The following STX8 variants were observed in gnomAD, a reference collection of about 807,000 sequenced individuals.
The protein encoded by STX8 is syntaxin 8.
STX8 carries 23 observed loss-of-function variants against 37.5 expected under a neutral mutation model. The observed-to-expected ratio is 0.61, with a 90% CI of 0.44 to 0.87. STX8 has a LOEUF of 0.87. Among genes scored for constraint, STX8 ranks in the 40% least tolerant of loss-of-function variants. The pLI is 0.00. For synonymous variants in STX8, 115 were observed against 99.1 expected, an observed-to-expected ratio of 1.16 and a Z score of -0.95; for missense variants, 313 against 284.7, an observed-to-expected ratio of 1.10 and a Z score of -0.71.
At chr17:9,527,473 G>C (rs1905625290) in intron 4 of STX8, among the ~76,000 whole-genome samples, 1 of 152,080 alleles carries the variant, frequency 6.6e-6, no homozygotes, top group African/African-American at 2.4e-5. Context: ...TTAACATAAT[G>C]AACTAAAATA....
chr17:9,518,147 A>C (rs142280233), intron 4 of STX8, among the ~76,000 whole-genome samples: 88 of 152,212 alleles, frequency 5.8e-4, no homozygotes, highest in Admixed American at 1.8e-3. Context: ...ATTTGCAGCC[A>C]AACTTCCATG....
In STX8 at chr17:9,271,763, A is replaced by G. The variant is rs568953501; in HGVS notation, c.644-21118T>C. Among the ~76,000 whole-genome samples, 7 of 151,952 alleles carry G rather than the reference A, an allele frequency of 4.6e-5. No individual in the cohort carries two copies. The East Asian group carries it at 1.4e-3, about 29-fold the overall frequency. ...GACTCCATCTCAAAAAAAAAAAAAA[A>G]AAAAAGAAAGAAAGAAATTCAACTT... is the stretch of plus-strand genomic sequence containing the variant. On this transcript the variant is annotated intron_variant, in intron 7 of 7. Coordinates refer to ENST00000306357, the MANE Select transcript of STX8 (RefSeq NM_004853.3).
intron 6 of STX8, among the ~76,000 whole-genome samples, chr17:9,435,414 A>T (rs1567559853): frequency 6.6e-6 from 1 of 152,180 alleles, no homozygotes; most frequent in South Asian, 2.1e-4. Flanking sequence ...CCAAAGACAG[A>T]ACCCTGAAGA....
intron 7 of STX8, among the ~76,000 whole-genome samples, chr17:9,259,926 T>C (rs571020209): frequency 6.6e-6 from 1 of 152,108 alleles, no homozygotes; most frequent in Admixed American, 6.5e-5. Context: ...ATGAAAATAA[T>C]AGTCATAGTG....
intron 6 of STX8, among the ~76,000 whole-genome samples, chr17:9,423,073 C>T (rs1567553708): frequency 2.0e-5 from 3 of 152,164 alleles, no homozygotes. Flanking sequence ...ATTCCTTTCC[C>T]CTTAAAAAAT....
chr17:9,352,067 T>A (rs1021201366), intron 7 of STX8, among the ~76,000 whole-genome samples: 4 of 151,200 alleles, frequency 2.6e-5, no homozygotes, highest in Non-Finnish European at 2.9e-5. Context: ...AGGAGGATTG[T>A]TTGAGCCTGG....
At chr17:9,504,630 C>T (rs1041129463) in intron 5 of STX8, among the ~76,000 whole-genome samples, 1 of 151,842 alleles carries the variant, frequency 6.6e-6, no homozygotes, top group Admixed American at 6.6e-5. Flanking sequence ...AAAAGACCAG[C>T]AGTTTTCACT....
At chr17:9,418,878 T>A (rs1382828801) in intron 6 of STX8, among the ~76,000 whole-genome samples, 4 of 145,018 alleles carry the variant, frequency 2.8e-5, no homozygotes, top group African/African-American at 7.6e-5. Context: ...CATTTGAGAA[T>A]GAATGCTTTC....
intron 4 of STX8, among the ~76,000 whole-genome samples, chr17:9,506,820 A>C (rs955444078): frequency 7.9e-5 from 12 of 152,040 alleles, no homozygotes; most frequent in African/African-American, 2.7e-4. Flanking sequence ...CCATGAGCCA[A>C]GTTACTACAG....
chr17:9,326,604 C>A (rs1224019857), intron 7 of STX8, among the ~76,000 whole-genome samples: 2 of 152,194 alleles, frequency 1.3e-5, no homozygotes, highest in Non-Finnish European at 2.9e-5. Flanking sequence ...CCTGATCATC[C>A]TTTGGCTGAG....
chr17:9,411,664 G>A (rs1912983106), intron 6 of STX8, among the ~76,000 whole-genome samples: 1 of 152,138 alleles, frequency 6.6e-6, no homozygotes, highest in East Asian at 1.9e-4. Flanking sequence ...TTCCTCACTA[G>A]GTTCCATTTC....
chr17:9,285,855 CAA>C (rs1477205268), intron 7 of STX8, among the ~76,000 whole-genome samples: 2 of 152,248 alleles, frequency 1.3e-5, no homozygotes, highest in East Asian at 3.9e-4. Flanking sequence ...CTTAGAAAAA[CAA>C]ATACTTTAAA....
At chr17:9,557,751 G>A (rs1231935283) in intron 2 of STX8, among the ~76,000 whole-genome samples, 1 of 152,194 alleles carries the variant, frequency 6.6e-6, no homozygotes, top group African/African-American at 2.4e-5. Context: ...ACCTGGCCAA[G>A]TGGTGAGCCA....
At chr17:9,412,716 G>A (rs541248080) in intron 6 of STX8, among the ~76,000 whole-genome samples, 6 of 152,214 alleles carry the variant, frequency 3.9e-5, no homozygotes, top group Admixed American at 2.0e-4. Flanking sequence ...ATGTGCCCTC[G>A]ACATTATCTC....
intron 6 of STX8, among the ~76,000 whole-genome samples, chr17:9,402,404 A>G (rs2142321091): frequency 6.6e-6 from 1 of 152,302 alleles, no homozygotes; most frequent in Middle Eastern, 3.4e-3. Context: ...TACAGGCGTG[A>G]GTCACCGCAC....
intron 5 of STX8, among the ~76,000 whole-genome samples, chr17:9,500,420 A>C (rs559463943): frequency 6.6e-6 from 1 of 152,174 alleles, no homozygotes; most frequent in African/African-American, 2.4e-5. Context: ...TTCCCAAGCC[A>C]TGGTGTGGGG....
chr17:9,499,440 C>G (rs944266685), intron 5 of STX8, among the ~76,000 whole-genome samples: 2 of 152,194 alleles, frequency 1.3e-5, no homozygotes, highest in Non-Finnish European at 2.9e-5. Flanking sequence ...TGCCCTGTCG[C>G]CAGGCTGGAG....
chr17:9,547,346 CTT>C (rs1906575593), intron 3 of STX8: 1 of 150,992 alleles, frequency 6.6e-6, no homozygotes, highest in African/African-American at 2.4e-5. Flanking sequence ...CTAACAAACA[CTT>C]TTAAAATATA....
intron 6 of STX8, among the ~76,000 whole-genome samples, chr17:9,433,154 T>C (rs749023609): frequency 1.3e-5 from 2 of 152,214 alleles, no homozygotes; most frequent in Non-Finnish European, 2.9e-5. Flanking sequence ...ATCGTCATAA[T>C]GCACTCCTAA....
Sources: gnomAD v4.1 joint callset for allele counts (sites outside exome capture counted in the v4.1 genomes callset) on GRCh38, gnomAD v4.1.1 for gene constraint, MANE v1.5 for transcripts, NCBI Gene and HGNC (gene_info 2026-07-23, HGNC 2026-07-21) for gene names.